Variants in FGF12 observed in about 807,000 individuals in gnomAD.
FGF12 encodes fibroblast growth factor 12B.
FGF12 carries 14 observed loss-of-function variants against 23.6 expected under a neutral mutation model. That is an observed-to-expected ratio of 0.59 (90% confidence interval 0.39 to 0.93). The LOEUF (loss-of-function observed/expected upper bound fraction) is 0.93, where lower values mean the gene tolerates loss of function less well. Ranked by LOEUF, FGF12 falls within the 40% of genes least tolerant of loss-of-function variation. FGF12 has a pLI of 0.00. For missense variants in FGF12, 175 were observed against 217.8 expected (o/e 0.80, Z 1.24); for synonymous variants, 62 against 77.3 (o/e 0.80, Z 1.04).
Position 192,158,342 on chromosome 3 carries a change from C to CTCTT in FGF12, c.427+12115_427+12116insAAGA, listed in dbSNP as rs1560171245. On this transcript the variant is annotated intron_variant, in intron 5 of 5. Transcript: ENST00000445105. ...TTTCTTTCTTTCTTTCTCTTTCTTT[C>CTCTT]TTTCTTTCTTTCTTTCTTTCTTTCT... 3.8e-5 allele frequency among the ~76,000 whole-genome samples: 3 copies of CTCTT among 79,534 alleles called. No individual in the cohort carries two copies. The East Asian group carries it at 8.9e-4, about 23-fold the overall frequency. The allele number at this position is 79,534 out of a possible 152,430, so 52.2% of individuals were successfully genotyped here.
At chr3:192,490,759 T>A (rs1212210764) in intron 2 of FGF12, among the ~76,000 whole-genome samples, 1 of 152,068 alleles carries the variant, frequency 6.6e-6, no homozygotes, top group Non-Finnish European at 1.5e-5. Context: ...CTCACAAACA[T>A]AACACAAAGC....
At chr3:192,247,044 G>A (rs6770256) in intron 4 of FGF12, among the ~76,000 whole-genome samples, 1,629 of 22,302 alleles carry the variant, frequency 0.073, 36 homozygotes, top group East Asian at 0.48. Flanking sequence ...AAGGAAGGAA[G>A]GAAGGAAGGA....
chr3:192,272,067 G>T (rs967492403), intron 4 of FGF12, among the ~76,000 whole-genome samples: 1 of 152,084 alleles, frequency 6.6e-6, no homozygotes, highest in Admixed American at 6.6e-5. Context: ...GTGATATTAG[G>T]AATGACTAAT....
intron 2 of FGF12, among the ~76,000 whole-genome samples, chr3:192,610,712 G>T (rs1714520476): frequency 6.6e-6 from 1 of 151,900 alleles, no homozygotes; most frequent in African/African-American, 2.4e-5. Context: ...AACCTGCAAG[G>T]CCCTGCAAGA....
chr3:192,376,892 T>C (rs895970607), intron 2 of FGF12, among the ~76,000 whole-genome samples: 9 of 152,190 alleles, frequency 5.9e-5, no homozygotes, highest in Non-Finnish European at 1.3e-4. Context: ...CAGACTGAGA[T>C]TTTCCTCAGA....
intron 3 of FGF12, among the ~76,000 whole-genome samples, chr3:192,349,403 C>T (rs1454205118): frequency 6.6e-6 from 1 of 152,074 alleles, no homozygotes; most frequent in East Asian, 1.9e-4. Context: ...TCCACTACTT[C>T]AAGAAACCCT....
intron 4 of FGF12, among the ~76,000 whole-genome samples, chr3:192,206,428 T>C (rs368756879): frequency 1.1e-4 from 16 of 152,340 alleles, no homozygotes; most frequent in African/African-American, 3.6e-4. Context: ...GCAGGAAAGC[T>C]GGATTTGACA....
chr3:192,665,883 C>A (rs1474125807), intron 2 of FGF12, among the ~76,000 whole-genome samples: 1 of 152,152 alleles, frequency 6.6e-6, no homozygotes, highest in Non-Finnish European at 1.5e-5. Flanking sequence ...TGGAAGAAGA[C>A]CTTTCATGAA....
intron 2 of FGF12, among the ~76,000 whole-genome samples, chr3:192,719,255 G>A (rs1718958311): frequency 6.6e-6 from 1 of 152,152 alleles, no homozygotes; most frequent in Non-Finnish European, 1.5e-5. Flanking sequence ...CCTTAGAACA[G>A]CTAACAAACA....
intron 2 of FGF12, among the ~76,000 whole-genome samples, chr3:192,446,341 T>C (rs1256667063): frequency 6.6e-6 from 1 of 152,192 alleles, no homozygotes; most frequent in African/African-American, 2.4e-5. Context: ...TCAGTTTGCC[T>C]GAACTGTTGG....
At chr3:192,295,172 T>C (rs1714962856) in intron 4 of FGF12, among the ~76,000 whole-genome samples, 1 of 152,210 alleles carries the variant, frequency 6.6e-6, no homozygotes, top group Non-Finnish European at 1.5e-5. Context: ...AAAGCCGACC[T>C]ATCTAAGAGA....
At chr3:192,536,654 A>AT (rs1162488137) in intron 2 of FGF12, among the ~76,000 whole-genome samples, 2 of 151,972 alleles carry the variant, frequency 1.3e-5, no homozygotes, top group Non-Finnish European at 2.9e-5. Flanking sequence ...TGATATTTTG[A>AT]TTTTTTTAAC....
intron 4 of FGF12, among the ~76,000 whole-genome samples, chr3:192,316,214 T>TA (rs543658098): frequency 8.7e-4 from 133 of 152,226 alleles, no homozygotes; most frequent in African/African-American, 3.1e-3. Context: ...GGCAAATAGA[T>TA]AACACTCCAG....
intron 4 of FGF12, among the ~76,000 whole-genome samples, chr3:192,191,922 G>A (rs1014610196): frequency 6.6e-6 from 1 of 152,018 alleles, no homozygotes; most frequent in Non-Finnish European, 1.5e-5. Context: ...GTAGGGGAAA[G>A]GTTCCCCAGA....
In FGF12 at chr3:192,272,783, A is replaced by G. The variant is rs75842742; in HGVS notation, c.228+62578T>C. The stretch of plus-strand genomic sequence containing the variant: ...AAAAATAGCCCAACTGATCATAGCC[A>G]TTGTAAAAATATTCATGGATGTAAG... On this transcript the variant is annotated intron_variant, in intron 4 of 5. Coordinates refer to ENST00000445105, the MANE Select transcript of FGF12 (RefSeq NM_004113.6). Among the ~76,000 whole-genome samples, 1,007 of 152,260 alleles carry G rather than the reference A, an allele frequency of 6.6e-3. 4 individuals are homozygous for G. The highest frequency in any genetic ancestry group is 0.023 in the African/African-American group (964 of 41,566).
At chr3:192,697,471 G>T (rs898231902) in intron 2 of FGF12, among the ~76,000 whole-genome samples, 3 of 152,128 alleles carry the variant, frequency 2.0e-5, no homozygotes, top group Admixed American at 2.0e-4. Context: ...CTCACTGAAG[G>T]TCAACTCCCA....
chr3:192,543,502 A>G (rs1725424499), intron 2 of FGF12, among the ~76,000 whole-genome samples: 1 of 151,902 alleles, frequency 6.6e-6, no homozygotes, highest in South Asian at 2.1e-4. Context: ...GCTCTACCCC[A>G]TTGTGGCCGA....
intron 4 of FGF12, among the ~76,000 whole-genome samples, chr3:192,316,333 C>G (rs1235993926): frequency 6.6e-6 from 1 of 152,154 alleles, no homozygotes; most frequent in Non-Finnish European, 1.5e-5. Context: ...CTAGTTTTAA[C>G]TTCATATCAC....
At chr3:192,423,015 A>G (rs1345430348) in intron 2 of FGF12, among the ~76,000 whole-genome samples, 1 of 152,150 alleles carries the variant, frequency 6.6e-6, no homozygotes, top group Non-Finnish European at 1.5e-5. Flanking sequence ...CCTTCCAAAT[A>G]CCGGAAAATC....
Sources: gnomAD v4.1 joint callset for allele counts (sites outside exome capture counted in the v4.1 genomes callset) on GRCh38, gnomAD v4.1.1 for gene constraint, MANE v1.5 for transcripts, NCBI Gene and HGNC (gene_info 2026-07-23, HGNC 2026-07-21) for gene names.